TMEM132D: variants seen among roughly 807,000 people sequenced by gnomAD.
TMEM132D encodes mature OL transmembrane protein.
A neutral mutation model predicts 62.3 loss-of-function variants in TMEM132D; 21 were observed. The ratio of observed to expected loss-of-function variants is 0.34; its 90% CI spans 0.24 to 0.49. The LOEUF (loss-of-function observed/expected upper bound fraction) is 0.49. TMEM132D is among the 20% of genes least tolerant of loss of function. The pLI, the probability that TMEM132D is intolerant of heterozygous loss-of-function variation, is 0.99. For synonymous variants in TMEM132D, 621 were observed against 575.6 expected, an observed-to-expected ratio of 1.08 and a Z score of -1.13; for missense variants, 1,346 against 1,402.8, an observed-to-expected ratio of 0.96 and a Z score of 0.65.
Position 129,073,800 on chromosome 12 carries a change from G to A in TMEM132D, c.*75C>T, listed in dbSNP as rs1045409333. On this transcript the variant is annotated 3_prime_UTR_variant, in exon 9 of 9. Transcript: ENST00000422113. ...TGTCCTGCTGCTTTGTTTCTCTTCC[G>A]GGGGCACCGTTGCTACACATCCTGG... 32 of 1,296,388 alleles carry A rather than the reference G, an allele frequency of 2.5e-5. 1 individual carries two copies. The highest frequency in any genetic ancestry group is 2.9e-5 in the South Asian group (2 of 67,802). The allele number at this position is 1,296,388 out of a possible 1,614,324, so 80.3% of individuals were successfully genotyped here.
chr12:129,460,242 C>A (rs1196814393), intron 3 of TMEM132D, among the ~76,000 whole-genome samples: 1 of 152,102 alleles, frequency 6.6e-6, no homozygotes, highest in South Asian at 2.1e-4. Context: ...TGTGTATTCC[C>A]GTGATGTCCG....
intron 5 of TMEM132D, among the ~76,000 whole-genome samples, chr12:129,119,789 A>G (rs1465183692): frequency 6.6e-6 from 1 of 152,174 alleles, no homozygotes; most frequent in Non-Finnish European, 1.5e-5. Context: ...GATTTCAAGA[A>G]GCTGAAGAAA....
At chr12:129,328,772 G>A (rs73151004) in intron 4 of TMEM132D, among the ~76,000 whole-genome samples, 36,308 of 151,812 alleles carry the variant, frequency 0.24, 4,600 homozygotes, top group Non-Finnish European at 0.28. Context: ...TCTGTTTCCC[G>A]TGTGAGAGGG....
At chr12:129,512,519 T>A (rs1237870873) in intron 3 of TMEM132D, among the ~76,000 whole-genome samples, 2 of 152,082 alleles carry the variant, frequency 1.3e-5, no homozygotes, top group Admixed American at 1.3e-4. Flanking sequence ...AACCCAGCAA[T>A]ATTGTAGTGT....
intron 2 of TMEM132D, among the ~76,000 whole-genome samples, chr12:129,601,881 T>A (rs1489962105): frequency 6.6e-6 from 1 of 152,040 alleles, no homozygotes; most frequent in Non-Finnish European, 1.5e-5. Context: ...AGAGATGACA[T>A]GAGCTCATGC....
At chr12:129,697,055 A>ATGCCCCTGAG (rs1425770700) in intron 2 of TMEM132D, among the ~76,000 whole-genome samples, 1 of 152,170 alleles carries the variant, frequency 6.6e-6, no homozygotes, top group Non-Finnish European at 1.5e-5. Flanking sequence ...CAGCCGTCGC[A>ATGCCCCTGAG]TGCCCCTGAG....
At chr12:129,792,789 G>A (rs548516254) in intron 1 of TMEM132D, among the ~76,000 whole-genome samples, 165 of 152,272 alleles carry the variant, frequency 1.1e-3, no homozygotes, top group African/African-American at 3.8e-3. Flanking sequence ...AGACATTATC[G>A]AAGGGAAGAG....
chr12:129,189,546 C>T (rs1409581560), intron 5 of TMEM132D, among the ~76,000 whole-genome samples: 1 of 152,084 alleles, frequency 6.6e-6, no homozygotes, highest in Non-Finnish European at 1.5e-5. Context: ...GAGAGCTGCC[C>T]ATAGCCCACC....
At chr12:129,654,482 T>G (rs1226317606) in intron 2 of TMEM132D, among the ~76,000 whole-genome samples, 1 of 152,038 alleles carries the variant, frequency 6.6e-6, no homozygotes, top group Non-Finnish European at 1.5e-5. Context: ...ATGAAAAGAG[T>G]AAGATTTTCT....
intron 4 of TMEM132D, among the ~76,000 whole-genome samples, chr12:129,294,523 T>C (rs1463974578): frequency 6.6e-6 from 1 of 152,132 alleles, no homozygotes; most frequent in Non-Finnish European, 1.5e-5. Flanking sequence ...CATCTCTCAT[T>C]TACCCTTTCC....
chr12:129,768,010 C>A (rs964712345), intron 1 of TMEM132D, among the ~76,000 whole-genome samples: 1 of 152,116 alleles, frequency 6.6e-6, no homozygotes, highest in African/African-American at 2.4e-5. Flanking sequence ...TCTTGTAAGA[C>A]TTATTCACTA....
intron 3 of TMEM132D, among the ~76,000 whole-genome samples, chr12:129,410,872 TA>T (rs551284615): frequency 8.5e-5 from 13 of 152,246 alleles, no homozygotes; most frequent in South Asian, 8.3e-4. Context: ...TTAAGACTTC[TA>T]ATTCAAGGAC....
intron 5 of TMEM132D, among the ~76,000 whole-genome samples, chr12:129,139,393 A>G (rs1876674200): frequency 6.6e-6 from 1 of 152,170 alleles, no homozygotes; most frequent in African/African-American, 2.4e-5. Flanking sequence ...GGCCTAACCA[A>G]TCAGACACCA....
Position 129,731,952 on chromosome 12 carries a change from G to A in TMEM132D, c.80-31254C>T, listed in dbSNP as rs551758695. Among the ~76,000 whole-genome samples the A allele has an allele frequency of 5.9e-5, 9 of 152,272 alleles. No individual in the cohort carries two copies. The East Asian group carries it at 7.7e-4, about 13-fold the overall frequency. On this transcript the variant is annotated intron_variant, in intron 1 of 8. Transcript: ENST00000422113. ...GCTGGGATTACAGGCGTGAGCCACC[G>A]TGCCCGGCCAGAAATTTTTTTTAGT...
intron 1 of TMEM132D, among the ~76,000 whole-genome samples, chr12:129,866,243 C>A (rs1464503677): frequency 6.6e-6 from 1 of 152,080 alleles, no homozygotes; most frequent in African/African-American, 2.4e-5. Context: ...AGCATATACA[C>A]CATGGAATAC....
At chr12:129,531,811 T>C (rs1876234571) in intron 2 of TMEM132D, among the ~76,000 whole-genome samples, 1 of 152,242 alleles carries the variant, frequency 6.6e-6, no homozygotes, top group Admixed American at 6.5e-5. Flanking sequence ...TCTTGTCTTC[T>C]TACTGTATGC....
chr12:129,405,761 G>A (rs1450862067), intron 3 of TMEM132D, among the ~76,000 whole-genome samples: 2 of 152,138 alleles, frequency 1.3e-5, no homozygotes, highest in Admixed American at 1.3e-4. Context: ...GATTTCATAA[G>A]GAAGACTAGT....
At chr12:129,378,184 T>C (rs574858938) in intron 3 of TMEM132D, among the ~76,000 whole-genome samples, 1 of 152,344 alleles carries the variant, frequency 6.6e-6, no homozygotes, top group South Asian at 2.1e-4. Flanking sequence ...TTAGGTGCCC[T>C]GCACCTGAAA....
chr12:129,573,031 ACT>A (rs1877561009), intron 2 of TMEM132D, among the ~76,000 whole-genome samples: 1 of 152,170 alleles, frequency 6.6e-6, no homozygotes, highest in African/African-American at 2.4e-5. Flanking sequence ...TTGGAATATT[ACT>A]CATATGCTAT....
Sources: allele counts gnomAD v4.1 joint callset (sites outside exome capture counted in the v4.1 genomes callset), GRCh38; gene constraint gnomAD v4.1.1; transcripts MANE v1.5; gene names NCBI Gene and HGNC (gene_info 2026-07-23, HGNC 2026-07-21).